ABHD3: variants seen among roughly 807,000 people sequenced by gnomAD.
ABHD3 encodes phospholipase ABHD3.
A neutral mutation model predicts 48.8 loss-of-function variants in ABHD3; 46 were observed. The ratio of observed to expected loss-of-function variants is 0.94; its 90% confidence interval spans 0.74 to 1.20. ABHD3 has a LOEUF of 1.20. Ranked by LOEUF, ABHD3 falls within the 50% of genes most tolerant of loss-of-function variation. The pLI, the probability that ABHD3 is intolerant of heterozygous loss-of-function variation, is 0.00. For missense variants in ABHD3, 490 were observed against 497.8 expected, an observed-to-expected ratio of 0.98 and a Z score of 0.15; for synonymous variants, 192 against 183.7, an observed-to-expected ratio of 1.04 and a Z score of -0.36.
At chr18:21,656,796 C>T in intron 8 of ABHD3, 65 bp downstream of exon 8, 4 of 1,378,674 alleles carry the variant, frequency 2.9e-6, no homozygotes, top group Non-Finnish European at 2.9e-6. Flanking sequence ...ACTATATTTC[C>T]TTAAAAATAA....
At chr18:21,656,015 G>A (rs1244671072) in intron 8 of ABHD3, among the ~76,000 whole-genome samples, 2 of 151,810 alleles carry the variant, frequency 1.3e-5, no homozygotes, top group African/African-American at 2.4e-5. Context: ...AATTAGCCAG[G>A]CATGATGGCG....
chr18:21,680,852 ATGTGTGTGTGTG>A (rs537497306), intron 4 of ABHD3, among the ~76,000 whole-genome samples: 8 of 108,484 alleles, frequency 7.4e-5, no homozygotes, highest in African/African-American at 1.8e-4. Context: ...TCTTTTTCAA[ATGTGTGTGTGTG>A]TGTGTGTGTG....
intron 4 of ABHD3, among the ~76,000 whole-genome samples, chr18:21,668,046 C>T (rs1417096360): frequency 6.6e-6 from 1 of 151,206 alleles, no homozygotes; most frequent in Non-Finnish European, 1.5e-5. Context: ...ACTAAAAATA[C>T]AAAAATTAGC....
intron 3 of ABHD3, among the ~76,000 whole-genome samples, chr18:21,688,770 A>C (rs544241650): frequency 6.6e-6 from 1 of 152,344 alleles, no homozygotes; most frequent in South Asian, 2.1e-4. Flanking sequence ...CTTGAAAAAC[A>C]GTAAAGATTC....
chr18:21,703,228 C>A (rs1294682117), intron 2 of ABHD3, among the ~76,000 whole-genome samples: 1 of 133,084 alleles, frequency 7.5e-6, no homozygotes, highest in Non-Finnish European at 1.6e-5. Flanking sequence ...ACCCCCCCCC[C>A]CAGTATCTGC....
At chr18:21,663,359 T>TA (rs1456344122) in intron 5 of ABHD3, among the ~76,000 whole-genome samples, 2 of 151,992 alleles carry the variant, frequency 1.3e-5, no homozygotes, top group East Asian at 3.8e-4. Context: ...TTTGCTGATT[T>TA]AAAAAACTAG....
At chr18:21,655,369 C>T (rs546097383) in intron 8 of ABHD3, among the ~76,000 whole-genome samples, 2 of 150,918 alleles carry the variant, frequency 1.3e-5, no homozygotes, top group Non-Finnish European at 2.9e-5. Flanking sequence ...CTCACTGCAA[C>T]CTCCGCCTCC....
intron 3 of ABHD3, among the ~76,000 whole-genome samples, chr18:21,700,344 C>T (rs960052670): frequency 9.2e-5 from 14 of 151,954 alleles, no homozygotes; most frequent in African/African-American, 3.4e-4. Context: ...TCCGCCTTGA[C>T]CTCCCAAAGT....
At chr18:21,672,350 A>C (rs2039775111) in intron 4 of ABHD3, among the ~76,000 whole-genome samples, 1 of 152,188 alleles carries the variant, frequency 6.6e-6, no homozygotes, top group East Asian at 1.9e-4. Context: ...GGGTTACCGC[A>C]CTTCCAATGC....
At chr18:21,652,036 T>C (rs2039234059) in intron 8 of ABHD3, among the ~76,000 whole-genome samples, 1 of 152,182 alleles carries the variant, frequency 6.6e-6, no homozygotes, top group African/African-American at 2.4e-5. Context: ...CACAAAAGTA[T>C]ACATCAAGTC....
At chr18:21,694,024 A>C (rs2040311186) in intron 3 of ABHD3, among the ~76,000 whole-genome samples, 1 of 152,192 alleles carries the variant, frequency 6.6e-6, no homozygotes. Context: ...GCTAAATTGC[A>C]TCTAGAGCTA....
At chr18:21,659,517 AT>A (rs2039435408) in intron 5 of ABHD3, among the ~76,000 whole-genome samples, 174 bp from the exon 6 acceptor site, 1 of 152,206 alleles carries the variant, frequency 6.6e-6, no homozygotes, top group Non-Finnish European at 1.5e-5. Context: ...ATATTCATAT[AT>A]TTATTTGTCT....
chr18:21,687,344 G>A (rs2040150507), intron 3 of ABHD3, among the ~76,000 whole-genome samples: 1 of 152,116 alleles, frequency 6.6e-6, no homozygotes, highest in East Asian at 1.9e-4. Context: ...GAGTAGCTGG[G>A]ACTACAGGTG....
rs557099975 is a variant in ABHD3, at chr18:21,651,361, G to A, written c.*230C>T. Reference sequence around the variant, plus strand: ...ACTACTTTGTTTAAGGATGTACTTGGTAAGGCATAGTAAAAATAAAATCTA... The same window carrying A: ...ACTACTTTGTTTAAGGATGTACTTGATAAGGCATAGTAAAAATAAAATCTA... On this transcript the variant is annotated 3_prime_UTR_variant, in exon 9 of 9. Transcript: ENST00000289119. 59 of 361,956 alleles carry A rather than the reference G, an allele frequency of 1.6e-4. No homozygotes were observed. The highest frequency in any genetic ancestry group is 1.2e-3 in the African/African-American group (56 of 47,230). 22.4% of individuals were successfully genotyped at this position (361,956 alleles called of 1,614,324 possible). A position where few individuals can be genotyped will look rare whatever the true frequency, so the allele number is the denominator to read the frequency against.
intron 5 of ABHD3, among the ~76,000 whole-genome samples, chr18:21,663,122 A>T (rs2039540479): frequency 6.6e-6 from 1 of 152,218 alleles, no homozygotes; most frequent in Non-Finnish European, 1.5e-5. Context: ...TGTTTATCAG[A>T]ATCTAAAAAG....
rs375239917 is a variant in ABHD3, at chr18:21,700,827, C to CAAAAAAAAAAAAAAA, written c.509+1474_509+1488dup. Among the ~76,000 whole-genome samples, 136 of 94,348 alleles carry CAAAAAAAAAAAAAAA rather than the reference C, an allele frequency of 1.4e-3. 7 individuals carry two copies. The highest frequency in any genetic ancestry group is 4.4e-3 in the African/African-American group (126 of 28,646). 61.9% of individuals were successfully genotyped at this position (94,348 alleles called of 152,430 possible). On this transcript the variant is annotated intron_variant, in intron 3 of 8. Transcript: ENST00000289119. Reference sequence around the variant, plus strand: ...TTTCTGAGCATGACTAAGTTTTAGCCAAAAAAAAAAAAAAAAAAAAAATGG... The same window carrying CAAAAAAAAAAAAAAA: ...TTTCTGAGCATGACTAAGTTTTAGCCAAAAAAAAAAAAAAAAAAAAAAAAAAAAAAAAAAAAATGG...
At chr18:21,671,119 CCTATCCCATGTGAGTCT>C (rs1187126470) in intron 4 of ABHD3, among the ~76,000 whole-genome samples, 1 of 152,194 alleles carries the variant, frequency 6.6e-6, no homozygotes, top group Non-Finnish European at 1.5e-5. Context: ...TGCTCCATGC[CCTATCCCATGTGAGTCT>C]CTATCACTGT....
At chr18:21,682,262 A>T (rs754537237) in intron 4 of ABHD3, 1 of 152,200 alleles carries the variant, frequency 6.6e-6, no homozygotes, top group East Asian at 1.9e-4. Flanking sequence ...ATTAGATAAA[A>T]TTATCATCAT....
intron 3 of ABHD3, among the ~76,000 whole-genome samples, chr18:21,693,137 A>C (rs558510573): frequency 2.0e-5 from 3 of 152,312 alleles, no homozygotes; most frequent in Admixed American, 6.5e-5. Flanking sequence ...ATCTCATTTT[A>C]ATCTGACCAG....
Sources: allele counts gnomAD v4.1 joint callset (sites outside exome capture counted in the v4.1 genomes callset), GRCh38; gene constraint gnomAD v4.1.1; transcripts MANE v1.5; gene names NCBI Gene and HGNC (gene_info 2026-07-23, HGNC 2026-07-21).